RALGAPA2: variants seen among roughly 807,000 people sequenced by gnomAD.
The protein encoded by RALGAPA2 is ral GTPase-activating protein subunit alpha-2.
RALGAPA2 carries 139 observed loss-of-function variants against 230.4 expected under a neutral mutation model. That is an observed-to-expected ratio of 0.60 (90% CI 0.53 to 0.69). RALGAPA2 has a LOEUF of 0.69. Ranked by LOEUF, RALGAPA2 falls within the 30% of genes least tolerant of loss-of-function variation. The pLI is 0.00. For synonymous variants in RALGAPA2, 847 were observed against 837.8 expected (o/e 1.01, Z -0.19); for missense variants, 2,163 against 2,276.0 (o/e 0.95, Z 1.01).
At chr20:20,606,506 T>C (rs755531037) in intron 14 of RALGAPA2, among the ~76,000 whole-genome samples, 1 of 152,226 alleles carries the variant, frequency 6.6e-6, no homozygotes, top group Non-Finnish European at 1.5e-5. Context: ...TGCTCGCTCC[T>C]GCATCTGGCC....
At chr20:20,489,346 A>G (rs1476516223) in intron 36 of RALGAPA2, among the ~76,000 whole-genome samples, 2 of 152,190 alleles carry the variant, frequency 1.3e-5, no homozygotes, top group Non-Finnish European at 2.9e-5. Flanking sequence ...AAAATTAAGA[A>G]TCTACTCATA....
At chr20:20,610,920 G>A (rs1250062867) in intron 14 of RALGAPA2, among the ~76,000 whole-genome samples, 1 of 152,104 alleles carries the variant, frequency 6.6e-6, no homozygotes. Context: ...ATCACCTGTG[G>A]ACATTGTCCT....
intron 23 of RALGAPA2, among the ~76,000 whole-genome samples, chr20:20,551,702 G>C (rs2063929445): frequency 6.6e-6 from 1 of 152,152 alleles, no homozygotes; most frequent in Admixed American, 6.5e-5. Flanking sequence ...ACAGTAACTG[G>C]AAAAACCATA....
intron 3 of RALGAPA2, among the ~76,000 whole-genome samples, chr20:20,654,544 G>A (rs962076430): frequency 1.3e-5 from 2 of 152,130 alleles, no homozygotes; most frequent in African/African-American, 2.4e-5. Context: ...ATGTCCTCCA[G>A]GTTCAACCAT....
At chr20:20,691,864 G>T (rs2068925243) in intron 1 of RALGAPA2, among the ~76,000 whole-genome samples, 1 of 152,176 alleles carries the variant, frequency 6.6e-6, no homozygotes, top group Non-Finnish European at 1.5e-5. Flanking sequence ...AGTATTGGAG[G>T]TGGGGCCTGG....
At position 20,512,605 on chromosome 20, in the gene RALGAPA2, G is replaced by C. The variant is rs764974375; in HGVS notation, c.4764C>G (p.Ser1588Arg). The C allele has an allele frequency of 3.1e-6, 5 of 1,613,830 alleles. No homozygotes were observed. The East Asian group carries it at 1.1e-4, about 36-fold the overall frequency. Residue 1588 changes from serine (S) to arginine (R), a missense_variant, in exon 32 of 40, where the codon AGC becomes AGG. Physicochemically the swap from Ser to Arg is moderately radical, Grantham distance 110. Coordinates refer to ENST00000202677, the MANE Select transcript of RALGAPA2 (RefSeq NM_020343.4). ...GCTCCACTGGGGAGGGCTGCCCTTG[G>C]CTGGTGACTTTCATTGCAGAATCGA... is the stretch of plus-strand genomic sequence containing the variant. ...HNFDSAMKVTSQGQPSPVEPR... is the reference protein window; with the variant it reads ...HNFDSAMKVTRQGQPSPVEPR...
intron 1 of RALGAPA2, among the ~76,000 whole-genome samples, chr20:20,704,276 G>A (rs1287835146): frequency 2.6e-5 from 4 of 152,028 alleles, no homozygotes; most frequent in Non-Finnish European, 5.9e-5. Flanking sequence ...AGATCACACC[G>A]TTCTGCATTA....
chr20:20,459,513 T>C (rs1602431925), intron 37 of RALGAPA2, among the ~76,000 whole-genome samples: 1 of 151,132 alleles, frequency 6.6e-6, no homozygotes. Flanking sequence ...TGGAGGCAGG[T>C]GTCCTCACCC....
chr20:20,502,096 C>A (rs1291909595), intron 35 of RALGAPA2, among the ~76,000 whole-genome samples: 2 of 152,080 alleles, frequency 1.3e-5, no homozygotes, highest in African/African-American at 4.8e-5. Flanking sequence ...GAGACAGAGA[C>A]ACAAATGAGC....
At chr20:20,513,362 G>T (rs2062773324) in intron 31 of RALGAPA2, 78 bp from the exon 32 acceptor site, 1 of 1,195,310 alleles carries the variant, frequency 8.4e-7, no homozygotes, top group Non-Finnish European at 1.1e-6. Context: ...TTTGGGTGGG[G>T]GGCAGGGGGC....
chr20:20,487,898 C>T (rs1302682195), intron 36 of RALGAPA2, among the ~76,000 whole-genome samples: 1 of 150,264 alleles, frequency 6.7e-6, no homozygotes, highest in Non-Finnish European at 1.5e-5. Flanking sequence ...GGTGACAGAG[C>T]CAGACTCGGT....
intron 1 of RALGAPA2, among the ~76,000 whole-genome samples, chr20:20,690,255 C>T (rs562115791): frequency 6.6e-6 from 1 of 152,180 alleles, no homozygotes; most frequent in African/African-American, 2.4e-5. Context: ...ATAACCCTGG[C>T]CCCTCCTTTA....
intron 26 of RALGAPA2, among the ~76,000 whole-genome samples, chr20:20,533,665 C>A (rs559809869): frequency 6.6e-6 from 1 of 152,054 alleles, no homozygotes; most frequent in Admixed American, 6.6e-5. Flanking sequence ...GAAGACTATG[C>A]CCAACAAAGA....
At chr20:20,700,903 A>G (rs2069332310) in intron 1 of RALGAPA2, among the ~76,000 whole-genome samples, 1 of 152,212 alleles carries the variant, frequency 6.6e-6, no homozygotes, top group African/African-American at 2.4e-5. Context: ...TGGGGCAGGA[A>G]GGCTTTCAGG....
Position 20,396,959 on chromosome 20 carries a change from G to A in RALGAPA2, c.5618-225C>T, listed in dbSNP as rs760482004. On this transcript the variant is annotated intron_variant, in intron 38 of 39. Coordinates refer to ENST00000202677, the MANE Select transcript of RALGAPA2 (RefSeq NM_020343.4). Reference sequence around the variant, plus strand: ...CAAATGTGAAATGAGAGAGACATTAGAACTCCCAGGATCTACGCATGCAGA... The same window carrying A: ...CAAATGTGAAATGAGAGAGACATTAAAACTCCCAGGATCTACGCATGCAGA... Among the ~76,000 whole-genome samples, 137 of 152,204 alleles carry A rather than the reference G, an allele frequency of 9.0e-4. 1 individual carries two copies. Among genetic ancestry groups the A allele is most frequent in the Non-Finnish European group, 7.3e-4 (50 of 68,038 alleles).
Position 20,392,509 on chromosome 20 carries a change from G to T in RALGAPA2, c.*780C>A, listed in dbSNP as rs1349661169. ...CACTTCCTGTCCTGCAGGAACTTAT[G>T]CAAGGACAGGACCCTGTATTTCTGG... On this transcript the variant is annotated 3_prime_UTR_variant, in exon 40 of 40. Coordinates refer to ENST00000202677, the MANE Select transcript of RALGAPA2 (RefSeq NM_020343.4). The T allele has an allele frequency of 6.5e-6, 1 of 153,036 alleles. No homozygotes were observed. The highest frequency in any genetic ancestry group is 1.5e-5 in the Non-Finnish European group (1 of 68,624). 9.5% of individuals were successfully genotyped at this position (153,036 alleles called of 1,614,324 possible). A position where few individuals can be genotyped will look rare whatever the true frequency, so the allele number is the denominator to read the frequency against.
chr20:20,572,433 C>T (rs1481574266), intron 21 of RALGAPA2, among the ~76,000 whole-genome samples: 2 of 127,834 alleles, frequency 1.6e-5, no homozygotes, highest in East Asian at 4.8e-4. Flanking sequence ...ACAGGGCAAG[C>T]AAGACTCCAT....
chr20:20,440,113 A>C (rs1189989295), intron 37 of RALGAPA2, among the ~76,000 whole-genome samples: 1 of 152,240 alleles, frequency 6.6e-6, no homozygotes, highest in African/African-American at 2.4e-5. Flanking sequence ...AAAATTACTG[A>C]GAATAAACAA....
chr20:20,420,181 G>A (rs1408687223), intron 37 of RALGAPA2, among the ~76,000 whole-genome samples: 2 of 152,204 alleles, frequency 1.3e-5, no homozygotes, highest in Admixed American at 6.5e-5. Context: ...GGAGACTGGA[G>A]TCATGGGGTA....
Sources: allele counts gnomAD v4.1 joint callset (sites outside exome capture counted in the v4.1 genomes callset), GRCh38; gene constraint gnomAD v4.1.1; transcripts MANE v1.5; gene names NCBI Gene and HGNC (gene_info 2026-07-23, HGNC 2026-07-21).